Variants in YTHDF3 observed in about 807,000 individuals in gnomAD.
YTHDF3 encodes the protein YTH domain-containing family protein 3.
In YTHDF3, 9 loss-of-function variants were observed where a neutral mutation model predicts 52.5. That is an observed-to-expected ratio of 0.17 (90% CI 0.10 to 0.30). YTHDF3 has a LOEUF of 0.30. YTHDF3 is among the 10% of genes least tolerant of loss of function. The pLI, the probability that YTHDF3 is intolerant of heterozygous loss-of-function variation, is 1.00. For missense variants in YTHDF3, 534 were observed against 715.0 expected, an observed-to-expected ratio of 0.75 and a Z score of 2.89; for synonymous variants, 274 against 243.3, an observed-to-expected ratio of 1.13 and a Z score of -1.18.
chr8:63,175,994 T>C (rs920713417), intron 3 of YTHDF3, among the ~76,000 whole-genome samples: 6 of 152,244 alleles, frequency 3.9e-5, no homozygotes, highest in African/African-American at 1.4e-4. Flanking sequence ...ATGGACAGTT[T>C]TATCAAATCA....
intron 2 of YTHDF3, among the ~76,000 whole-genome samples, chr8:63,174,718 G>T (rs1807571723): frequency 1.3e-5 from 2 of 152,138 alleles, no homozygotes; most frequent in South Asian, 4.1e-4. Context: ...GTAGTTTCAT[G>T]TGAAAGTCTT....
chr8:63,179,356 G>T (rs934215163), intron 3 of YTHDF3, among the ~76,000 whole-genome samples: 6 of 152,160 alleles, frequency 3.9e-5, no homozygotes, highest in Non-Finnish European at 2.9e-5. Context: ...CTAGGCAGAG[G>T]ACCCTGCGGC....
At chr8:63,204,623 A>G (rs1234553604) in intron 4 of YTHDF3, among the ~76,000 whole-genome samples, 4 of 152,052 alleles carry the variant, frequency 2.6e-5, no homozygotes, top group Admixed American at 6.5e-5. Context: ...TGGCCTCCCA[A>G]AGTGTTGGGC....
intron 4 of YTHDF3, among the ~76,000 whole-genome samples, chr8:63,195,678 T>C (rs922399264): frequency 2.6e-5 from 4 of 151,948 alleles, no homozygotes; most frequent in Non-Finnish European, 5.9e-5. Context: ...GAGGAATACA[T>C]GAGCCCAGGA....
chr8:63,171,577 T>G (rs1807329038), intron 2 of YTHDF3, among the ~76,000 whole-genome samples: 1 of 152,184 alleles, frequency 6.6e-6, no homozygotes, highest in South Asian at 2.1e-4. Context: ...CAGGGAGAAT[T>G]ACAAGGCAAA....
chr8:63,197,684 A>C (rs545572630), intron 4 of YTHDF3, among the ~76,000 whole-genome samples: 1 of 152,232 alleles, frequency 6.6e-6, no homozygotes, highest in Non-Finnish European at 1.5e-5. Flanking sequence ...GGGAATCGAT[A>C]GCATCTGAAT....
rs1807057379 is a variant in YTHDF3 at position 63,168,698 on chromosome 8, A to G, written c.-180A>G. The G allele has an allele frequency of 1.7e-6, 2 of 1,197,608 alleles. No homozygotes were observed. The highest frequency in any genetic ancestry group is 2.6e-5 in the East Asian group (1 of 38,594). 74.2% of individuals were successfully genotyped at this position (1,197,608 alleles called of 1,614,324 possible). On this transcript the variant is annotated 5_prime_UTR_variant, in exon 1 of 5. Transcript: ENST00000539294. ...GGGGAAGAGGAGCGTGCAAGCGGAA[A>G]AGACGGGCCTCTTCCTCCGACTCCC...
intron 3 of YTHDF3, among the ~76,000 whole-genome samples, chr8:63,177,604 G>T (rs1807783913): frequency 6.6e-6 from 1 of 152,028 alleles, no homozygotes; most frequent in African/African-American, 2.4e-5. Context: ...CCTTCAAAAA[G>T]ATGTCCATGT....
At chr8:63,192,297 G>C (rs1318558602) in intron 4 of YTHDF3, among the ~76,000 whole-genome samples, 1 of 152,118 alleles carries the variant, frequency 6.6e-6, no homozygotes, top group Non-Finnish European at 1.5e-5. Flanking sequence ...TCAGTTATTT[G>C]TCTCAGAATG....
In YTHDF3 at chr8:63,209,728, A is replaced by C; in HGVS notation, c.*22A>C. 6.4e-7 allele frequency: 1 copy of C among 1,568,658 alleles called. No homozygotes were observed. Among genetic ancestry groups the C allele is most frequent in the South Asian group, 1.2e-5 (1 of 83,696 alleles). On this transcript the variant is annotated 3_prime_UTR_variant, in exon 5 of 5. Transcript: ENST00000539294. ...ATAACCGTATGAAGATGTCCTGTTA[A>C]ATTTACAACACTAACGATGTAGACT...
rs1195731133 is a variant in YTHDF3, at chr8:63,211,436, T to G, written c.*1730T>G. 1 of 152,560 alleles carries G rather than the reference T, an allele frequency of 6.6e-6. No individual in the cohort carries two copies. The highest frequency in any genetic ancestry group is 1.5e-5 in the Non-Finnish European group (1 of 67,998). 9.5% of individuals were successfully genotyped at this position (152,560 alleles called of 1,614,324 possible). ...TAACATGTCTCTTAACTATTTATAA[T>G]GAAAAGTGGCATTTGGGTATAGTCA... On this transcript the variant is annotated 3_prime_UTR_variant, in exon 5 of 5. Transcript: ENST00000539294.
In YTHDF3 at chr8:63,179,332, G is replaced by A. The variant is rs1052901291; in HGVS notation, c.135+3916G>A. ...GTCAGCAGATAAACAAGTGAACAAAGGTCTCTGGTTTTCCTAGGCAGAGGA... is the reference window on the plus strand; with the variant it reads ...GTCAGCAGATAAACAAGTGAACAAAAGTCTCTGGTTTTCCTAGGCAGAGGA... On this transcript the variant is annotated intron_variant, in intron 3 of 4. Coordinates refer to ENST00000539294, the MANE Select transcript of YTHDF3 (RefSeq NM_152758.6). Among the ~76,000 whole-genome samples the A allele has an allele frequency of 4.6e-5, 7 of 152,038 alleles. No homozygotes were observed. The South Asian group carries it at 1.0e-3, about 23-fold the overall frequency.
At chr8:63,204,322 A>T (rs1252534681) in intron 4 of YTHDF3, among the ~76,000 whole-genome samples, 1 of 150,892 alleles carries the variant, frequency 6.6e-6, no homozygotes, top group East Asian at 1.9e-4. Context: ...CAATTTGAAA[A>T]TCAAGATTCT....
At position 63,170,628 on chromosome 8, in the gene YTHDF3, A is replaced by T. The variant is rs537490400; in HGVS notation, c.49+1217A>T. Among the ~76,000 whole-genome samples, 7 of 152,310 alleles carry T rather than the reference A, an allele frequency of 4.6e-5. No homozygotes were observed. The East Asian group carries it at 1.3e-3, about 29-fold the overall frequency. On this transcript the variant is annotated intron_variant, in intron 2 of 4. Transcript: ENST00000539294. ...GAGTTTTTAAAAATTTGTGAATTTT[A>T]AAAAGAATGATCCATTAATTTCTTC...
chr8:63,204,643 T>C (rs1156708562), intron 4 of YTHDF3, among the ~76,000 whole-genome samples: 1 of 152,222 alleles, frequency 6.6e-6, no homozygotes, highest in Non-Finnish European at 1.5e-5. Context: ...CTTACAGGCA[T>C]GAGCCACCGC....
rs547879745 is a variant in YTHDF3, at chr8:63,169,621, G to A, written c.49+210G>A. 1.9e-4 allele frequency: 110 copies of A among 578,248 alleles called. 1 individual carries two copies. In the South Asian group the frequency reaches 2.1e-3, roughly 11 times the overall value. 35.8% of individuals were successfully genotyped at this position (578,248 alleles called of 1,614,324 possible). On this transcript the variant is annotated intron_variant, in intron 2 of 4. Coordinates refer to ENST00000539294, the MANE Select transcript of YTHDF3 (RefSeq NM_152758.6). ...CACTTTATAGAAACCAAAGTAGTAC[G>A]AGAAACAGTTTCCTTGTCAGTTAAG...
intron 1 of YTHDF3, 66 bp from the exon 2 acceptor site, chr8:63,169,321 G>A: frequency 6.5e-7 from 1 of 1,546,512 alleles, no homozygotes; most frequent in East Asian, 2.3e-5. Flanking sequence ...TAATGCCTTT[G>A]ATTAACACAC....
intron 4 of YTHDF3, among the ~76,000 whole-genome samples, chr8:63,203,598 ATGAAC>A (rs1448585425): frequency 1.8e-4 from 27 of 152,254 alleles, no homozygotes; most frequent in African/African-American, 5.8e-4. Flanking sequence ...AAACTAAGAA[ATGAAC>A]ATTGGTACAA....
chr8:63,171,435 G>T (rs1277785192), intron 2 of YTHDF3, among the ~76,000 whole-genome samples: 4 of 152,082 alleles, frequency 2.6e-5, no homozygotes, highest in Non-Finnish European at 5.9e-5. Context: ...AGACTCCTTT[G>T]CATGGAGCCT....
Sources: gnomAD v4.1 joint callset for allele counts (sites outside exome capture counted in the v4.1 genomes callset) on GRCh38, gnomAD v4.1.1 for gene constraint, MANE v1.5 for transcripts, NCBI Gene and HGNC (gene_info 2026-07-23, HGNC 2026-07-21) for gene names.